The following WDR41 variants were observed in gnomAD, a reference collection of about 807,000 sequenced individuals.
WDR41 encodes WD repeat-containing protein 41.
Under a neutral mutation model 69.3 loss-of-function variants are expected in WDR41, and 63 were observed. That is an observed-to-expected ratio of 0.91 (90% confidence interval 0.74 to 1.12). The LOEUF (loss-of-function observed/expected upper bound fraction) is 1.12. Ranked by LOEUF, WDR41 falls within the 50% of genes most tolerant of loss-of-function variation. The pLI, the probability that WDR41 is intolerant of heterozygous loss-of-function variation, is 0.00. For synonymous variants in WDR41, 185 were observed against 192.1 expected (o/e 0.96, Z 0.31); for missense variants, 543 against 534.5 (o/e 1.02, Z -0.16).
intron 1 of WDR41, among the ~76,000 whole-genome samples, chr5:77,512,633 C>T (rs1802226875): frequency 6.6e-6 from 1 of 151,228 alleles, no homozygotes; most frequent in African/African-American, 2.4e-5. Flanking sequence ...ACCTGTAGTC[C>T]CAGCTACTCA....
intron 1 of WDR41, among the ~76,000 whole-genome samples, chr5:77,574,845 A>G (rs565017578): frequency 1.3e-5 from 2 of 152,336 alleles, no homozygotes; most frequent in South Asian, 4.1e-4. Context: ...TCCTTGTCGT[A>G]GTTGAAACAA....
At chr5:77,528,095 A>G (rs1207324627) in intron 1 of WDR41, among the ~76,000 whole-genome samples, 1 of 151,764 alleles carries the variant, frequency 6.6e-6, no homozygotes, top group African/African-American at 2.4e-5. Context: ...AAAAAATCTT[A>G]CAACAGAGGT....
At chr5:77,459,267 C>T (rs556667954) in intron 4 of WDR41, 143 bp from the exon 5 acceptor site, 5 of 573,270 alleles carry the variant, frequency 8.7e-6, no homozygotes, top group South Asian at 8.4e-5. Flanking sequence ...TATACCACCA[C>T]AAAAATGAAT....
At chr5:77,608,561 T>A (rs550617292) in intron 1 of WDR41, among the ~76,000 whole-genome samples, 2 of 152,226 alleles carry the variant, frequency 1.3e-5, no homozygotes, top group South Asian at 4.1e-4. Context: ...AAAAGCCACA[T>A]GTAGTCATTA....
intron 1 of WDR41, among the ~76,000 whole-genome samples, chr5:77,588,700 T>C (rs182964351): frequency 7.2e-5 from 11 of 152,306 alleles, no homozygotes; most frequent in Admixed American, 5.2e-4. Flanking sequence ...ATTGCTCCTA[T>C]GCGAAATAAA....
At chr5:77,603,416 T>C (rs895943658) in intron 1 of WDR41, among the ~76,000 whole-genome samples, 3 of 152,232 alleles carry the variant, frequency 2.0e-5, no homozygotes, top group African/African-American at 7.2e-5. Flanking sequence ...ATGGGGATTA[T>C]ATGGTTTTTG....
At chr5:77,595,791 ATT>A (rs5868875) in intron 1 of WDR41, among the ~76,000 whole-genome samples, 1 of 151,768 alleles carries the variant, frequency 6.6e-6, no homozygotes, top group Non-Finnish European at 1.5e-5. Context: ...AGTGGTAGTA[ATT>A]TTTTTTTCTC....
chr5:77,433,386 A>C, intron 12 of WDR41, 99 bp from the exon 13 acceptor site: 1 of 1,040,530 alleles, frequency 9.6e-7, no homozygotes, highest in East Asian at 2.8e-5. Context: ...TGCCTTAAAG[A>C]CTCCTTTGGA....
At position 77,489,478 on chromosome 5, in the gene WDR41, A is replaced by G. The variant is rs1393502283; in HGVS notation, c.146T>C (p.Leu49Pro). 1 of 1,604,520 alleles carries G rather than the reference A, an allele frequency of 6.2e-7. No individual in the cohort carries two copies. The highest frequency in any genetic ancestry group is 8.5e-7 in the Non-Finnish European group (1 of 1,176,026). ...TTACCTGTAGTCATCTAACTGTACC[A>G]GAAATCGTACAATATCATGATGAGC... ...LKAHHDIVRF[L>P]VQLDDYRFAS... Residue 49 changes from leucine (L) to proline (P), a missense_variant, in exon 2 of 13, where the codon CTG (leucine) becomes CCG (proline). Transcript: ENST00000296679.
At chr5:77,474,911 C>T (rs564731262) in intron 2 of WDR41, among the ~76,000 whole-genome samples, 4 of 152,290 alleles carry the variant, frequency 2.6e-5, no homozygotes, top group Admixed American at 2.0e-4. Flanking sequence ...GTACCGGGTT[C>T]GTCTCACTAG....
intron 2 of WDR41, among the ~76,000 whole-genome samples, chr5:77,466,530 C>A (rs551892914): frequency 6.6e-6 from 1 of 151,884 alleles, no homozygotes; most frequent in South Asian, 2.1e-4. Flanking sequence ...TACTTTTTTT[C>A]TAACCCTAAT....
At chr5:77,526,268 T>C (rs1379983131) in intron 1 of WDR41, among the ~76,000 whole-genome samples, 1 of 152,058 alleles carries the variant, frequency 6.6e-6, no homozygotes, top group African/African-American at 2.4e-5. Context: ...GTCTACGTCA[T>C]TTCAACCTTA....
At chr5:77,483,854 CTTTTT>C (rs1801398137) in intron 2 of WDR41, among the ~76,000 whole-genome samples, 1 of 152,218 alleles carries the variant, frequency 6.6e-6, no homozygotes, top group South Asian at 2.1e-4. Flanking sequence ...GGTGAGTTCT[CTTTTT>C]TAAGTATCAT....
chr5:77,514,625 T>G (rs1488889978), intron 1 of WDR41, among the ~76,000 whole-genome samples: 1 of 152,112 alleles, frequency 6.6e-6, no homozygotes, highest in Non-Finnish European at 1.5e-5. Context: ...AGAGTAATGG[T>G]CAGTTAATGA....
At chr5:77,557,815 T>A (rs1743437629) in intron 1 of WDR41, among the ~76,000 whole-genome samples, 2 of 152,134 alleles carry the variant, frequency 1.3e-5, no homozygotes, top group Non-Finnish European at 2.9e-5. Flanking sequence ...AACAGTAGAA[T>A]GAATAAACTG....
intron 1 of WDR41, among the ~76,000 whole-genome samples, chr5:77,501,098 G>T (rs1342288136): frequency 6.6e-6 from 1 of 152,242 alleles, no homozygotes; most frequent in Non-Finnish European, 1.5e-5. Context: ...AGTGCAAGGG[G>T]TTGCAGGATT....
chr5:77,553,637 AAGACATAAAC>A (rs887327124), intron 1 of WDR41, among the ~76,000 whole-genome samples: 122 of 152,348 alleles, frequency 8.0e-4, no homozygotes, highest in African/African-American at 2.8e-3. Context: ...AAATGAACAA[AAGACATAAAC>A]AGACATTTAC....
chr5:77,496,949 T>G (rs1410135272), upstream of WDR41, among the ~76,000 whole-genome samples: 1 of 152,118 alleles, frequency 6.6e-6, no homozygotes, highest in Non-Finnish European at 1.5e-5. Flanking sequence ...AACTCTTACA[T>G]ATATGGTCAA....
chr5:77,454,890 C>G (rs1480113920), intron 5 of WDR41, among the ~76,000 whole-genome samples: 1 of 152,162 alleles, frequency 6.6e-6, no homozygotes, highest in East Asian at 1.9e-4. Context: ...TGTGGATATA[C>G]ATTGTGTTTA....
Sources: gnomAD v4.1 joint callset for allele counts (sites outside exome capture counted in the v4.1 genomes callset) on GRCh38, gnomAD v4.1.1 for gene constraint, MANE v1.5 for transcripts, NCBI Gene and HGNC (gene_info 2026-07-23, HGNC 2026-07-21) for gene names.